SUCLA2: variants seen among roughly 807,000 people sequenced by gnomAD.
SUCLA2 encodes succinate--CoA ligase [ADP-forming] subunit beta, mitochondrial.
In SUCLA2, 30 loss-of-function variants were observed where a neutral mutation model predicts 54.8. The ratio of observed to expected loss-of-function variants is 0.55; its 90% CI spans 0.41 to 0.74. The LOEUF is 0.74. SUCLA2 is among the 30% of genes least tolerant of loss of function. The probability of loss-of-function intolerance (pLI) is 0.00; values close to 1 mark genes in which losing one functional copy is unlikely to be tolerated. For synonymous variants in SUCLA2, 172 were observed against 188.9 expected, an observed-to-expected ratio of 0.91 and a Z score of 0.74; for missense variants, 476 against 562.9, an observed-to-expected ratio of 0.85 and a Z score of 1.56.
chr13:48,000,981 C>CT (rs993127214), intron 1 of SUCLA2, 199 bp downstream of exon 1: 1 of 1,428,016 alleles, frequency 7.0e-7, no homozygotes, highest in African/African-American at 1.4e-5. Context: ...GGACTAAGGG[C>CT]TGGGTCAGAG....
intron 1 of SUCLA2, 33 bp from the exon 2 acceptor site, chr13:47,997,056 A>G: frequency 6.2e-7 from 1 of 1,612,664 alleles, no homozygotes; most frequent in Non-Finnish European, 8.5e-7. Context: ...TATATATGAC[A>G]GTGATTTGGC....
intron 6 of SUCLA2, among the ~76,000 whole-genome samples, chr13:47,964,232 T>C (rs1224933364): frequency 2.6e-5 from 4 of 152,052 alleles, no homozygotes; most frequent in Non-Finnish European, 5.9e-5. Flanking sequence ...ATGATTGCAT[T>C]TATATAACAT....
intron 4 of SUCLA2, among the ~76,000 whole-genome samples, chr13:47,981,284 A>C (rs9591126): frequency 0.063 from 9,588 of 152,292 alleles, 357 homozygotes; most frequent in Middle Eastern, 0.095. Flanking sequence ...CAAACAAAAA[A>C]ATTTAAAGAT....
chr13:47,976,106 ATTT>A (rs140214581), intron 4 of SUCLA2, among the ~76,000 whole-genome samples: 2,567 of 152,198 alleles, frequency 0.017, 23 homozygotes, highest in Non-Finnish European at 0.028. Context: ...TTAAAAAAAA[ATTT>A]TTGTTTAATG....
chr13:47,960,649 T>C (rs1949863239), intron 6 of SUCLA2, among the ~76,000 whole-genome samples: 1 of 152,046 alleles, frequency 6.6e-6, no homozygotes. Flanking sequence ...TTCAAACTAA[T>C]TTAGTTGTGT....
chr13:47,967,760 C>T (rs565923784), intron 6 of SUCLA2, among the ~76,000 whole-genome samples: 2 of 150,724 alleles, frequency 1.3e-5, no homozygotes, highest in East Asian at 3.9e-4. Context: ...AGAAGAATTA[C>T]TTGAACCCAA....
At position 47,972,496 on chromosome 13, in the gene SUCLA2, C is replaced by T. The variant is rs374710217; in HGVS notation, c.663+768G>A. Among the ~76,000 whole-genome samples, 6 of 151,644 alleles carry T rather than the reference C, an allele frequency of 4.0e-5. No individual in the cohort carries two copies. The East Asian group carries it at 1.2e-3, about 30-fold the overall frequency. On this transcript the variant is annotated intron_variant, in intron 5 of 10. Transcript: ENST00000646932. ...CCAACCTGATCAACAAGATGAAACTCCATCTCTACTAAAAACAAAAAAATT... is the reference window on the plus strand; with the variant it reads ...CCAACCTGATCAACAAGATGAAACTTCATCTCTACTAAAAACAAAAAAATT...
chr13:47,962,690 T>C (rs1364131315), intron 6 of SUCLA2, among the ~76,000 whole-genome samples: 6 of 151,816 alleles, frequency 4.0e-5, no homozygotes, highest in Non-Finnish European at 8.8e-5. Context: ...GAGCTGCCTA[T>C]GACACCCTTC....
chr13:47,957,784 G>C (rs1401816488), intron 6 of SUCLA2, among the ~76,000 whole-genome samples: 1 of 152,150 alleles, frequency 6.6e-6, no homozygotes. Context: ...GTACCGGACA[G>C]TTGGATCAGC....
chr13:47,993,597 G>C (rs1374856198), intron 2 of SUCLA2, among the ~76,000 whole-genome samples: 1 of 152,130 alleles, frequency 6.6e-6, no homozygotes, highest in Non-Finnish European at 1.5e-5. Context: ...GAAATACTGG[G>C]TAAAGAGGCT....
chr13:47,987,640 T>C (rs2137741680), intron 4 of SUCLA2: 1 of 152,196 alleles, frequency 6.6e-6, no homozygotes, highest in South Asian at 2.1e-4. Flanking sequence ...GACATATCAT[T>C]CAAACATTAA....
chr13:47,955,749 T>C (rs1949815612), intron 6 of SUCLA2, among the ~76,000 whole-genome samples: 1 of 152,106 alleles, frequency 6.6e-6, no homozygotes, highest in Admixed American at 6.6e-5. Flanking sequence ...CCCAGCACTC[T>C]ACCAAAATGG....
chr13:47,977,316 C>T (rs561722521), intron 4 of SUCLA2, among the ~76,000 whole-genome samples: 3 of 151,960 alleles, frequency 2.0e-5, no homozygotes, highest in Non-Finnish European at 2.9e-5. Flanking sequence ...ACAGGAAGCC[C>T]GGGACCAAAT....
chr13:47,995,906 G>A (rs1424250814), intron 2 of SUCLA2, among the ~76,000 whole-genome samples: 1 of 152,084 alleles, frequency 6.6e-6, no homozygotes, highest in East Asian at 1.9e-4. Flanking sequence ...ATCAATAAAG[G>A]AATCTGCTAA....
chr13:47,958,715 T>C (rs1400325074), intron 6 of SUCLA2, among the ~76,000 whole-genome samples: 1 of 152,226 alleles, frequency 6.6e-6, no homozygotes, highest in African/African-American at 2.4e-5. Flanking sequence ...GTTATTGGTT[T>C]AATGAAAATA....
intron 4 of SUCLA2, chr13:47,988,286 T>C: frequency 1.9e-6 from 1 of 532,860 alleles, no homozygotes; most frequent in Non-Finnish European, 3.3e-6. Context: ...TTTAGTGAAT[T>C]AACAATTTGA....
At chr13:47,979,006 C>A (rs1950040287) in intron 4 of SUCLA2, among the ~76,000 whole-genome samples, 2 of 152,168 alleles carry the variant, frequency 1.3e-5, no homozygotes, top group South Asian at 4.1e-4. Flanking sequence ...ATTAAAAAGT[C>A]AGGAAACAAC....
At chr13:47,952,405 A>G (rs1326441665) in intron 8 of SUCLA2, among the ~76,000 whole-genome samples, 2 of 152,026 alleles carry the variant, frequency 1.3e-5, no homozygotes, top group Non-Finnish European at 2.9e-5. Flanking sequence ...TTTCTCCAAT[A>G]TAGGAAGTAC....
chr13:47,988,570 A>T lies in SUCLA2; in HGVS notation c.505T>A (p.Phe169Ile). The T allele has an allele frequency of 6.2e-7, 1 of 1,613,928 alleles. No individual in the cohort carries two copies. Among genetic ancestry groups the T allele is most frequent in the South Asian group, 1.1e-5 (1 of 91,078 alleles). The change falls in exon 4 of 11, where the codon TTT (phenylalanine) becomes ATT (isoleucine). Residue 169 changes from phenylalanine (F) to isoleucine (I), a missense_variant. Transcript: ENST00000646932. ...AATGACCTTTCCATTGTTATTGCAAAGTAGTATTCTCTCCTGGGATATTTT... is the reference window on the plus strand; with the variant it reads ...AATGACCTTTCCATTGTTATTGCAATGTAGTATTCTCTCCTGGGATATTTT... ...ERKYPRREYY[F>I]AITMERSFQG...
Sources: gnomAD v4.1 joint callset for allele counts (sites outside exome capture counted in the v4.1 genomes callset) on GRCh38, gnomAD v4.1.1 for gene constraint, MANE v1.5 for transcripts, NCBI Gene and HGNC (gene_info 2026-07-23, HGNC 2026-07-21) for gene names.